Variants in GALNTL6 observed in about 807,000 individuals in gnomAD.
GALNTL6 encodes the protein polypeptide N-acetylgalactosaminyltransferase-like 6.
GALNTL6 carries 46 observed loss-of-function variants against 73.7 expected under a neutral mutation model. The ratio of observed to expected loss-of-function variants is 0.62; its 90% CI spans 0.49 to 0.80. GALNTL6 has a LOEUF of 0.80. Among genes scored for constraint, GALNTL6 ranks in the 30% least tolerant of loss-of-function variants. The pLI is 0.00. For synonymous variants in GALNTL6, 259 were observed against 263.7 expected, an observed-to-expected ratio of 0.98 and a Z score of 0.17; for missense variants, 604 against 755.0, an observed-to-expected ratio of 0.80 and a Z score of 2.34.
chr4:172,937,510 A>G (rs1748682634), intron 9 of GALNTL6, among the ~76,000 whole-genome samples: 2 of 152,156 alleles, frequency 1.3e-5, no homozygotes. Context: ...CTGGGGAGAT[A>G]CCCACAGATT....
At chr4:172,030,115 G>T (rs1339261599) in intron 2 of GALNTL6, among the ~76,000 whole-genome samples, 1 of 152,004 alleles carries the variant, frequency 6.6e-6, no homozygotes, top group East Asian at 1.9e-4. Context: ...AAGCAAATAT[G>T]AGAAACAATG....
At chr4:172,718,615 G>A (rs1162435185) in intron 5 of GALNTL6, among the ~76,000 whole-genome samples, 1 of 151,958 alleles carries the variant, frequency 6.6e-6, no homozygotes, top group African/African-American at 2.4e-5. Context: ...TCTAGCCTGG[G>A]TGACAGGGCA....
At chr4:172,396,841 A>G (rs1186264067) in intron 5 of GALNTL6, among the ~76,000 whole-genome samples, 1 of 152,238 alleles carries the variant, frequency 6.6e-6, no homozygotes, top group Non-Finnish European at 1.5e-5. Flanking sequence ...ATTGAATGCA[A>G]TAGTTAAATA....
intron 2 of GALNTL6, among the ~76,000 whole-genome samples, chr4:171,846,142 C>T (rs1735362342): frequency 6.6e-6 from 1 of 151,974 alleles, no homozygotes; most frequent in Non-Finnish European, 1.5e-5. Context: ...TGATATTTCC[C>T]ATCATGTCAG....
At chr4:172,520,697 T>A (rs180852978) in intron 5 of GALNTL6, among the ~76,000 whole-genome samples, 17 of 152,110 alleles carry the variant, frequency 1.1e-4, no homozygotes, top group African/African-American at 3.9e-4. Context: ...ACTGTTTTCT[T>A]AGGGAGGACA....
chr4:173,034,753 G>A (rs1753614598), intron 12 of GALNTL6, among the ~76,000 whole-genome samples: 1 of 152,162 alleles, frequency 6.6e-6, no homozygotes, highest in South Asian at 2.1e-4. Flanking sequence ...TGACCGCCTT[G>A]ATTTTTTTCA....
intron 2 of GALNTL6, among the ~76,000 whole-genome samples, chr4:171,953,894 A>T (rs941004659): frequency 2.0e-5 from 3 of 152,184 alleles, no homozygotes; most frequent in African/African-American, 7.2e-5. Flanking sequence ...ACAATTGGTG[A>T]GGAATACATT....
chr4:172,475,580 ATATATT>A (rs1733202469), intron 5 of GALNTL6, among the ~76,000 whole-genome samples: 1 of 152,180 alleles, frequency 6.6e-6, no homozygotes, highest in South Asian at 2.1e-4. Context: ...GGAGACAGAA[ATATATT>A]TATATGTTTT....
intron 2 of GALNTL6, among the ~76,000 whole-genome samples, chr4:172,223,356 G>T (rs775980725): frequency 6.6e-6 from 1 of 152,090 alleles, no homozygotes; most frequent in African/African-American, 2.4e-5. Flanking sequence ...AAACTTCTGT[G>T]TAGATTATTT....
intron 5 of GALNTL6, among the ~76,000 whole-genome samples, chr4:172,675,574 GC>G (rs1732249475): frequency 6.6e-6 from 1 of 152,190 alleles, no homozygotes; most frequent in Admixed American, 6.5e-5. Context: ...AAGAATGATT[GC>G]CCTGGAGGAA....
At chr4:172,342,492 G>C (rs1741604195) in intron 4 of GALNTL6, among the ~76,000 whole-genome samples, 1 of 152,064 alleles carries the variant, frequency 6.6e-6, no homozygotes, top group Non-Finnish European at 1.5e-5. Context: ...TTTCCAATTA[G>C]ATTGTAAAAT....
At chr4:172,405,437 ATATATATTTTTTTTTTTTTT>A (rs1339523452) in intron 5 of GALNTL6, among the ~76,000 whole-genome samples, 1 of 2,832 alleles carries the variant, frequency 3.5e-4, no homozygotes, top group African/African-American at 7.9e-4. Context: ...ATATATATAT[ATATATATTTTTTTTTTTTTT>A]TTTTTTTTTC....
chr4:172,412,964 G>T (rs1177796437), intron 5 of GALNTL6, among the ~76,000 whole-genome samples: 2 of 152,154 alleles, frequency 1.3e-5, no homozygotes, highest in African/African-American at 4.8e-5. Context: ...CACATTCTCA[G>T]CAGGAAGACA....
chr4:171,873,215 A>G (rs1736185115), intron 2 of GALNTL6, among the ~76,000 whole-genome samples: 2 of 152,164 alleles, frequency 1.3e-5, no homozygotes, highest in Non-Finnish European at 2.9e-5. Flanking sequence ...TCATCACCAG[A>G]AGAAACAACA....
chr4:172,137,486 T>C (rs1329666706), intron 2 of GALNTL6, among the ~76,000 whole-genome samples: 1 of 152,162 alleles, frequency 6.6e-6, no homozygotes, highest in African/African-American at 2.4e-5. Flanking sequence ...TTTGCAGACA[T>C]TTTGCCTGAG....
At chr4:172,156,319 T>C (rs1025307285) in intron 2 of GALNTL6, among the ~76,000 whole-genome samples, 1 of 151,906 alleles carries the variant, frequency 6.6e-6, no homozygotes, top group Admixed American at 6.6e-5. Flanking sequence ...GGAGGAGATA[T>C]CCATTCCCTT....
chr4:171,943,731 C>G (rs1047254835), intron 2 of GALNTL6, among the ~76,000 whole-genome samples: 1 of 152,136 alleles, frequency 6.6e-6, no homozygotes, highest in Non-Finnish European at 1.5e-5. Context: ...AATTCAAATG[C>G]AAAGAGAAAC....
intron 5 of GALNTL6, among the ~76,000 whole-genome samples, chr4:172,706,040 T>C (rs1193432806): frequency 6.6e-6 from 1 of 152,112 alleles, no homozygotes; most frequent in Non-Finnish European, 1.5e-5. Context: ...TTTTCTGTTA[T>C]TGTGTCTTTG....
chr4:172,976,788 C>T (rs1243128991), intron 10 of GALNTL6, among the ~76,000 whole-genome samples: 1 of 152,202 alleles, frequency 6.6e-6, no homozygotes. Context: ...TGACTCTCCT[C>T]TTTGAAAACC....
Sources: allele counts gnomAD v4.1 joint callset (sites outside exome capture counted in the v4.1 genomes callset), GRCh38; gene constraint gnomAD v4.1.1; transcripts MANE v1.5; gene names NCBI Gene and HGNC (gene_info 2026-07-23, HGNC 2026-07-21).